The following GRM4 variants were observed in gnomAD, a reference collection of about 807,000 sequenced individuals.
The protein encoded by GRM4 is glutamate metabotropic receptor 4, also known as metabotropic glutamate receptor 4.
GRM4 carries 28 observed loss-of-function variants against 81.7 expected under a neutral mutation model. The observed-to-expected ratio is 0.34, with a 90% CI of 0.25 to 0.47. The LOEUF is 0.47. GRM4 is among the 20% of genes least tolerant of loss of function. GRM4 has a pLI of 1.00. For synonymous variants in GRM4, 488 were observed against 528.8 expected, an observed-to-expected ratio of 0.92 and a Z score of 1.06; for missense variants, 948 against 1,290.0, an observed-to-expected ratio of 0.73 and a Z score of 4.06.
chr6:34,095,700 C>T (rs1314739814), intron 2 of GRM4, among the ~76,000 whole-genome samples: 1 of 152,136 alleles, frequency 6.6e-6, no homozygotes, highest in Non-Finnish European at 1.5e-5. Flanking sequence ...GACTCTCCCT[C>T]TCTGCCGGCC....
At chr6:34,050,115 C>T (rs1250503077) in intron 6 of GRM4, among the ~76,000 whole-genome samples, 1 of 152,230 alleles carries the variant, frequency 6.6e-6, no homozygotes, top group East Asian at 1.9e-4. Context: ...GCTCTCTCTG[C>T]TTCAGCCACA....
At chr6:34,101,394 TGAACTC>T (rs1293434821) in intron 2 of GRM4, among the ~76,000 whole-genome samples, 5 of 152,240 alleles carry the variant, frequency 3.3e-5, no homozygotes, top group South Asian at 2.1e-4. Context: ...AGCCAGGATT[TGAACTC>T]GAACTAGCTG....
In GRM4 at chr6:34,130,479, CAG is replaced by C. The variant is rs1770191443; in HGVS notation, c.519+2497_519+2498del. On this transcript the variant is annotated intron_variant, in intron 2 of 10. Coordinates refer to ENST00000538487, the MANE Select transcript of GRM4 (RefSeq NM_000841.4). The surrounding 1 kb of genome is among the most constrained non-coding windows in gnomAD (Gnocchi z 4.1). ...CCATGCTCCTCTGTGGCCAGACAAACAGGGGACACCATGAACCCCCAGGATGG... is the reference window on the plus strand; with the variant it reads ...CCATGCTCCTCTGTGGCCAGACAAACGGGACACCATGAACCCCCAGGATGG... Among the ~76,000 whole-genome samples, 1 of 152,156 alleles carries C rather than the reference CAG, an allele frequency of 6.6e-6. No individual in the cohort carries two copies. The highest frequency in any genetic ancestry group is 6.5e-5 in the Admixed American group (1 of 15,280).
intron 3 of GRM4, 119 bp from the exon 4 acceptor site, chr6:34,062,147 TC>T: frequency 9.1e-7 from 1 of 1,096,704 alleles, no homozygotes; most frequent in Non-Finnish European, 1.3e-6. Flanking sequence ...CCAGCCTGAC[TC>T]CCAGCCCTGG....
Position 34,036,704 on chromosome 6 carries a change from AC to A in GRM4, c.1507-102del. On this transcript the variant is annotated intron_variant, in intron 8 of 10. Transcript: ENST00000538487. The surrounding 1 kb of genome is among the most constrained non-coding windows in gnomAD (Gnocchi z 9.0). ...CACCTTGTAGCCCCACACTCAAATC[AC>A]CCAGCTAGTTGGCTAAAAGTCCAGC... 1 of 647,160 alleles carries A rather than the reference AC, an allele frequency of 1.5e-6. No homozygotes were observed. The highest frequency in any genetic ancestry group is 2.6e-6 in the Non-Finnish European group (1 of 379,564). 40.1% of individuals were successfully genotyped at this position (647,160 alleles called of 1,614,324 possible). A position where few individuals can be genotyped will look rare whatever the true frequency, so the allele number is the denominator to read the frequency against.
intron 1 of GRM4, among the ~76,000 whole-genome samples, chr6:34,135,617 T>G (rs555935513): frequency 1.3e-5 from 2 of 152,312 alleles, no homozygotes; most frequent in African/African-American, 4.8e-5. Context: ...TGAGGAAGGC[T>G]TAAGAGCCAT....
intron 2 of GRM4, among the ~76,000 whole-genome samples, chr6:34,096,915 A>AGT (rs5875485): frequency 0.3 from 40,135 of 132,442 alleles, 5,523 homozygotes; most frequent in Middle Eastern, 0.36. Context: ...AGTACATCTG[A>AGT]GTGTGTGTGT....
chr6:34,104,817 C>T (rs946153652), intron 2 of GRM4, among the ~76,000 whole-genome samples: 10 of 152,164 alleles, frequency 6.6e-5, no homozygotes, highest in African/African-American at 1.9e-4. Flanking sequence ...ACCCCTGCTG[C>T]ACTGACGGGT....
rs1770917506 is a variant in GRM4 at position 34,145,993 on chromosome 6, C to T, written c.-364+7G>A. 1 of 985,366 alleles carries T rather than the reference C, an allele frequency of 1.0e-6. No homozygotes were observed. Among genetic ancestry groups the T allele is most frequent in the Non-Finnish European group, 1.2e-6 (1 of 829,982 alleles). The allele number at this position is 985,366 out of a possible 1,614,324, so 61.0% of individuals were successfully genotyped here. Reference sequence around the variant, plus strand: ...CCTCCTCCCCGTGCGCGTGCCAGCTCACCTACCCCGAGGACATGGCGGGGA... The same window carrying T: ...CCTCCTCCCCGTGCGCGTGCCAGCTTACCTACCCCGAGGACATGGCGGGGA... On this transcript the variant is annotated splice_region_variant and intron_variant, in intron 1 of 10. Coordinates refer to ENST00000538487, the MANE Select transcript of GRM4 (RefSeq NM_000841.4).
At chr6:34,082,075 CCCTGTCCAGTGGGAGCCTGCGGGACAGAT>C (rs1304369195) in intron 3 of GRM4, among the ~76,000 whole-genome samples, 2 of 30,200 alleles carry the variant, frequency 6.6e-5, no homozygotes, top group Non-Finnish European at 1.2e-4. Flanking sequence ...CGGGACAGAT[CCCTGTCCAGTGGGAGCCTGCGGGACAGAT>C]CCCTGTCCAG....
intron 9 of GRM4, among the ~76,000 whole-genome samples, chr6:34,028,862 G>C (rs772223874): frequency 6.6e-6 from 1 of 152,088 alleles, no homozygotes; most frequent in Non-Finnish European, 1.5e-5. Context: ...ACAGCCCCTC[G>C]GATCAGACCT....
At position 34,121,857 on chromosome 6, in the gene GRM4, G is replaced by A. The variant is rs1418348071; in HGVS notation, c.519+11121C>T. 6.6e-6 allele frequency among the ~76,000 whole-genome samples: 1 copy of A among 152,066 alleles called. No homozygotes were observed. The highest frequency in any genetic ancestry group is 2.4e-5 in the African/African-American group (1 of 41,398). On this transcript the variant is annotated intron_variant, in intron 2 of 10. Transcript: ENST00000538487. The surrounding 1 kb of genome is among the most constrained non-coding windows in gnomAD (Gnocchi z 4.6). ...GAGGGCCTGCGATGTGCCAGGCACTGAGCTAATCACCTTGTGCTGTTCCAC... is the reference window on the plus strand; with the variant it reads ...GAGGGCCTGCGATGTGCCAGGCACTAAGCTAATCACCTTGTGCTGTTCCAC...
chr6:34,115,794 G>A lies in GRM4; in HGVS notation c.519+17184C>T, dbSNP rs548539610. Among the ~76,000 whole-genome samples the A allele has an allele frequency of 6.6e-6, 1 of 152,062 alleles. No individual in the cohort carries two copies. The highest frequency in any genetic ancestry group is 2.4e-5 in the African/African-American group (1 of 41,380). The stretch of plus-strand genomic sequence containing the variant: ...CTCTTCAGGCTCCAGGAGAAACTGC[G>A]GACACATCACACCTCCCTGGGCTCC... On this transcript the variant is annotated intron_variant, in intron 2 of 10. Coordinates refer to ENST00000538487, the MANE Select transcript of GRM4 (RefSeq NM_000841.4). The surrounding 1 kb of genome is among the most constrained non-coding windows in gnomAD (Gnocchi z 4.1).
At chr6:34,031,357 G>A (rs1447534708) in intron 9 of GRM4, among the ~76,000 whole-genome samples, 1 of 152,190 alleles carries the variant, frequency 6.6e-6, no homozygotes. Context: ...CATGGTGAAG[G>A]AGCTTGTCTG....
intron 3 of GRM4, among the ~76,000 whole-genome samples, chr6:34,072,295 CCA>C (rs1422485038): frequency 7.0e-6 from 1 of 143,844 alleles, no homozygotes; most frequent in Admixed American, 6.9e-5. Flanking sequence ...CACACAGATA[CCA>C]CACACACATC....
rs372835468 is a variant in GRM4, at chr6:34,070,585, G to A, written c.737-8557C>T. ...ACCTCTGGGGAGCGGGTAAGGCCTAGTGGGGTGGGGCTGCTGAGGCAGGAG... is the reference window on the plus strand; with the variant it reads ...ACCTCTGGGGAGCGGGTAAGGCCTAATGGGGTGGGGCTGCTGAGGCAGGAG... On this transcript the variant is annotated intron_variant, in intron 3 of 10. Coordinates refer to ENST00000538487, the MANE Select transcript of GRM4 (RefSeq NM_000841.4). This position sits in a 1 kb window ranked among gnomAD's most constrained non-coding sequence, Gnocchi z 4.6. Among the ~76,000 whole-genome samples, 3 of 151,984 alleles carry A rather than the reference G, an allele frequency of 2.0e-5. No individual in the cohort carries two copies. The highest frequency in any genetic ancestry group is 4.1e-4 in the South Asian group (2 of 4,824).
intron 1 of GRM4, chr6:34,155,030 C>G: frequency 7.1e-7 from 1 of 1,409,272 alleles, no homozygotes; most frequent in African/African-American, 1.4e-5. Flanking sequence ...TGGGCACCTC[C>G]CCGTCCCACG....
At chr6:34,026,525 A>G (rs952989441) in intron 10 of GRM4, among the ~76,000 whole-genome samples, 12 of 152,040 alleles carry the variant, frequency 7.9e-5, no homozygotes, top group Admixed American at 7.9e-4. Flanking sequence ...AGTGAGGCCC[A>G]TGGGGGCTGC....
intron 3 of GRM4, chr6:34,062,511 A>T (rs1374834360): frequency 6.8e-6 from 1 of 146,740 alleles, no homozygotes; most frequent in African/African-American, 2.5e-5. Flanking sequence ...TGCTTAGTAA[A>T]TGTTGATTAT....
Sources: allele counts gnomAD v4.1 joint callset (sites outside exome capture counted in the v4.1 genomes callset), GRCh38; gene constraint gnomAD v4.1.1; non-coding constraint Gnocchi (gnomAD v3.1); transcripts MANE v1.5; gene names NCBI Gene and HGNC (gene_info 2026-07-23, HGNC 2026-07-21).